The following SLC7A2 variants were observed in gnomAD, a reference collection of about 807,000 sequenced individuals.
SLC7A2 encodes solute carrier family 7 member 2.
SLC7A2 carries 48 observed loss-of-function variants against 58.9 expected under a neutral mutation model. The ratio of observed to expected loss-of-function variants is 0.82; its 90% confidence interval spans 0.65 to 1.04. The LOEUF (loss-of-function observed/expected upper bound fraction) is 1.04, where lower values mean the gene tolerates loss of function less well. Among genes scored for constraint, SLC7A2 ranks in the 50% least tolerant of loss-of-function variants. The pLI is 0.00. For synonymous variants in SLC7A2, 363 were observed against 314.5 expected, an observed-to-expected ratio of 1.15 and a Z score of -1.63; for missense variants, 1,029 against 818.8, an observed-to-expected ratio of 1.26 and a Z score of -3.13.
chr8:17,524,157 G>T (rs755780955), intron 2 of SLC7A2, among the ~76,000 whole-genome samples: 3 of 152,160 alleles, frequency 2.0e-5, no homozygotes, highest in African/African-American at 4.8e-5. Flanking sequence ...CTGTTGGTGG[G>T]AATGTAAACT....
chr8:17,536,286 C>T (rs1016028824), intron 2 of SLC7A2, among the ~76,000 whole-genome samples: 25 of 151,956 alleles, frequency 1.6e-4, no homozygotes, highest in African/African-American at 4.6e-4. Flanking sequence ...ATATTCTGGC[C>T]GGGTGCAGTG....
Position 17,498,450 on chromosome 8 carries a change from C to A in SLC7A2, c.-69+1213C>A, listed in dbSNP as rs533573152. ...AGATGTGAATATTCTGTATTATGTACCTTGTTAGGATTGCTTTGTAATTAG... is the reference window on the plus strand; with the variant it reads ...AGATGTGAATATTCTGTATTATGTAACTTGTTAGGATTGCTTTGTAATTAG... On this transcript the variant is annotated intron_variant, in intron 1 of 12. Coordinates refer to ENST00000494857, the MANE Select transcript of SLC7A2 (RefSeq NM_001370338.1). Among the ~76,000 whole-genome samples, 32 of 152,222 alleles carry A rather than the reference C, an allele frequency of 2.1e-4. 1 individual carries two copies. The highest frequency in any genetic ancestry group is 1.7e-3 in the Admixed American group (26 of 15,290).
intron 2 of SLC7A2, among the ~76,000 whole-genome samples, chr8:17,530,348 A>G (rs1338092525): frequency 1.3e-5 from 2 of 152,150 alleles, no homozygotes; most frequent in Non-Finnish European, 2.9e-5. Context: ...GCAGCTGGAT[A>G]CATGCAGTTC....
intron 7 of SLC7A2, among the ~76,000 whole-genome samples, chr8:17,553,024 C>T (rs1006826767): frequency 5.9e-5 from 9 of 152,202 alleles, no homozygotes; most frequent in Non-Finnish European, 1.3e-4. Context: ...CAATTAGACA[C>T]TCTTGGTTTC....
intron 2 of SLC7A2, among the ~76,000 whole-genome samples, chr8:17,537,579 C>T (rs970647340): frequency 2.6e-5 from 4 of 152,110 alleles, no homozygotes; most frequent in African/African-American, 9.7e-5. Flanking sequence ...GAAGACAGTG[C>T]TGTGGGGAGG....
intron 2 of SLC7A2, among the ~76,000 whole-genome samples, chr8:17,518,922 T>G (rs1170028409): frequency 6.6e-6 from 1 of 152,142 alleles, no homozygotes; most frequent in Non-Finnish European, 1.5e-5. Flanking sequence ...GGAGGGCTCT[T>G]TTCCTGGCCT....
At chr8:17,542,767 T>G (rs1425166319) in intron 2 of SLC7A2, among the ~76,000 whole-genome samples, 1 of 152,214 alleles carries the variant, frequency 6.6e-6, no homozygotes, top group African/African-American at 2.4e-5. Flanking sequence ...TAGCCATCTC[T>G]TGAAATATAT....
At chr8:17,559,832 T>A (rs1384403151) in intron 9 of SLC7A2, among the ~76,000 whole-genome samples, 2 of 152,074 alleles carry the variant, frequency 1.3e-5, no homozygotes, top group South Asian at 2.1e-4. Flanking sequence ...ATGCAATGGG[T>A]GTAGAAGTGG....
intron 2 of SLC7A2, among the ~76,000 whole-genome samples, chr8:17,517,941 C>G (rs1800866014): frequency 6.6e-6 from 1 of 152,008 alleles, no homozygotes; most frequent in South Asian, 2.1e-4. Flanking sequence ...AAATCCAGCT[C>G]TGTGACTTTG....
intron 10 of SLC7A2, 130 bp downstream of exon 10, chr8:17,560,663 A>G: frequency 1.4e-6 from 1 of 710,800 alleles, no homozygotes; most frequent in South Asian, 1.7e-5. Flanking sequence ...TGAAATTTTC[A>G]CCTAAAGCAT....
At chr8:17,554,138 T>C (rs1043920801) in intron 7 of SLC7A2, among the ~76,000 whole-genome samples, 1 of 152,250 alleles carries the variant, frequency 6.6e-6, no homozygotes, top group Non-Finnish European at 1.5e-5. Context: ...CTATTGCTTA[T>C]GAAATAAAAT....
At chr8:17,534,195 C>T (rs76779046) in intron 2 of SLC7A2, among the ~76,000 whole-genome samples, 15,934 of 152,144 alleles carry the variant, frequency 0.1, 921 homozygotes, top group East Asian at 0.23. Flanking sequence ...AAAAGGGCAG[C>T]AGGAACATGG....
rs1351481678 is a variant in SLC7A2 at position 17,570,438 on chromosome 8, G to C, written c.*5292G>C. On this transcript the variant is annotated 3_prime_UTR_variant, in exon 13 of 13. Coordinates refer to ENST00000494857, the MANE Select transcript of SLC7A2 (RefSeq NM_001370338.1). ...ATTTAAATGTTTTAAGTGATCATCA[G>C]TGTTCCTTTTTACTTATAAAGTTGG... 2 of 152,542 alleles carry C rather than the reference G, an allele frequency of 1.3e-5. No homozygotes were observed. Among genetic ancestry groups the C allele is most frequent in the African/African-American group, 4.8e-5 (2 of 41,416 alleles). 9.4% of individuals were successfully genotyped at this position (152,542 alleles called of 1,614,324 possible).
intron 2 of SLC7A2, among the ~76,000 whole-genome samples, chr8:17,521,739 C>T (rs1194096205): frequency 1.3e-5 from 2 of 152,218 alleles, no homozygotes; most frequent in Non-Finnish European, 2.9e-5. Flanking sequence ...GAGCCGAAGC[C>T]TTGAAAACCC....
At chr8:17,537,769 G>C (rs1801736804) in intron 2 of SLC7A2, among the ~76,000 whole-genome samples, 1 of 152,184 alleles carries the variant, frequency 6.6e-6, no homozygotes, top group Non-Finnish European at 1.5e-5. Context: ...CTACGGGCAT[G>C]GGCATCTGCC....
intron 2 of SLC7A2, among the ~76,000 whole-genome samples, chr8:17,526,492 CT>C (rs1325973541): frequency 6.6e-6 from 1 of 152,114 alleles, no homozygotes; most frequent in East Asian, 1.9e-4. Flanking sequence ...GAGAACCTCA[CT>C]GTTAAAACTA....
chr8:17,548,332 C>T (rs550114933), intron 4 of SLC7A2, among the ~76,000 whole-genome samples: 3 of 152,292 alleles, frequency 2.0e-5, no homozygotes, highest in African/African-American at 7.2e-5. Context: ...CAGAGCGAGA[C>T]TCTGTCTCAA....
chr8:17,554,620 G>A lies in SLC7A2; in HGVS notation c.1116G>A (p.Leu372=). 1 of 1,613,534 alleles carries A rather than the reference G, an allele frequency of 6.2e-7. No individual in the cohort carries two copies. Among genetic ancestry groups the A allele is most frequent in the South Asian group, 1.1e-5 (1 of 90,998 alleles). The part of the protein sequence containing the change: ...RVIYAMAEDG[L]LFKCLAQINS... The stretch of plus-strand genomic sequence containing the variant: ...TCTATGCTATGGCGGAGGATGGGTT[G>A]CTTTTCAAATGTCTAGCTCAAATCA... Residue 372 remains leucine (L), a synonymous_variant, in exon 8 of 13, where the codon TTG becomes TTA. Coordinates refer to ENST00000494857, the MANE Select transcript of SLC7A2 (RefSeq NM_001370338.1).
rs765797428 is a variant in SLC7A2 at position 17,565,091 on chromosome 8, A to G, written c.1922A>G (p.His641Arg). The G allele has an allele frequency of 4.3e-6, 7 of 1,613,944 alleles. No homozygotes were observed. The highest frequency in any genetic ancestry group is 5.9e-6 in the Non-Finnish European group (7 of 1,179,928). ...TCTGCCATTCAAGCAAATGACCATC[A>G]CCCAAGAAATCTCAGTTCACCTTTC... ...EKSAIQANDHHPRNLSSPFIF... is the reference protein window; with the variant it reads ...EKSAIQANDHRPRNLSSPFIF... Residue 641 changes from histidine to arginine, a missense_variant, in exon 13 of 13, where the codon CAC becomes CGC. Coordinates refer to ENST00000494857, the MANE Select transcript of SLC7A2 (RefSeq NM_001370338.1).
Sources: allele counts gnomAD v4.1 joint callset (sites outside exome capture counted in the v4.1 genomes callset), GRCh38; gene constraint gnomAD v4.1.1; transcripts MANE v1.5; gene names NCBI Gene and HGNC (gene_info 2026-07-23, HGNC 2026-07-21).